The following PRPF8 variants were observed in gnomAD, a reference collection of about 807,000 sequenced individuals.
The protein encoded by PRPF8 is pre-mRNA processing factor 8, also known as pre-mRNA-processing-splicing factor 8.
PRPF8 carries 64 observed loss-of-function variants against 285.9 expected under a neutral mutation model. The ratio of observed to expected loss-of-function variants is 0.22; its 90% CI spans 0.18 to 0.28. PRPF8 has a LOEUF of 0.28. Among genes scored for constraint, PRPF8 ranks in the 10% least tolerant of loss-of-function variants. PRPF8 has a pLI of 1.00. For synonymous variants in PRPF8, 1,325 were observed against 1,118.2 expected, an observed-to-expected ratio of 1.18 and a Z score of -3.69; for missense variants, 1,426 against 3,026.7, an observed-to-expected ratio of 0.47 and a Z score of 12.41.
At position 1,681,558 on chromosome 17, in the gene PRPF8, G is replaced by A. The variant is rs377322941; in HGVS notation, c.786C>T (p.Ala262=). ...DNYFYLFDLK[A]FFTSKALNMA... ...TATTGAGTGCCTTGGACGTAAAGAA[G>A]GCCTTCAAATCAAACAGGTAGAAGT... Residue 262 remains alanine, a synonymous_variant, in exon 6 of 43, where the codon GCC becomes GCT. Transcript: ENST00000304992. The A allele has an allele frequency of 8.7e-6, 14 of 1,613,746 alleles. No individual in the cohort carries two copies. The African/African-American group carries it at 1.7e-4, about 20-fold the overall frequency.
At chr17:1,677,838 A>C in intron 13 of PRPF8, 144 bp from the exon 14 acceptor site, 1 of 1,077,436 alleles carries the variant, frequency 9.3e-7, no homozygotes, top group Non-Finnish European at 1.3e-6. Context: ...AAGAAAAAAA[A>C]ACTCTGGGAC....
intron 24 of PRPF8, among the ~76,000 whole-genome samples, chr17:1,667,727 A>T (rs1912075702): frequency 6.6e-6 from 1 of 152,038 alleles, no homozygotes; most frequent in Non-Finnish European, 1.5e-5. Flanking sequence ...TATTTTTAGT[A>T]GAGATGGGGT....
Position 1,656,464 on chromosome 17 carries a change from A to C in PRPF8, c.5721T>G (p.Leu1907=), listed in dbSNP as rs1911395010. Residue 1907 remains leucine (L), a synonymous_variant, in exon 36 of 43, where the codon CTT becomes CTG. Transcript: ENST00000304992. ...GAACCATCTGGGGCTCAGTGGCTTT[A>C]AGGATGAGATCCCCGAATTTTTCCA... The part of the protein sequence containing the change: ...LKVEKFGDLI[L]KATEPQMVLF... 1 of 1,614,082 alleles carries C rather than the reference A, an allele frequency of 6.2e-7. No individual in the cohort carries two copies. Among genetic ancestry groups the C allele is most frequent in the Non-Finnish European group, 8.5e-7 (1 of 1,180,046 alleles).
intron 24 of PRPF8, among the ~76,000 whole-genome samples, chr17:1,662,634 G>A (rs1031067427): frequency 4.2e-4 from 64 of 151,320 alleles, no homozygotes; most frequent in African/African-American, 1.4e-3. Flanking sequence ...AGGTGTGGTG[G>A]CTCACGCCTG....
At chr17:1,677,405 G>T in intron 14 of PRPF8, 160 bp downstream of exon 14, 1 of 1,160,682 alleles carries the variant, frequency 8.6e-7, no homozygotes, top group Non-Finnish European at 1.3e-6. Context: ...CCAGAAGGAA[G>T]CCCAAGAAAT....
chr17:1,650,786 G>C lies in PRPF8; in HGVS notation c.*16C>G, dbSNP rs1910989862. On this transcript the variant is annotated 3_prime_UTR_variant, in exon 43 of 43. Coordinates refer to ENST00000304992, the MANE Select transcript of PRPF8 (RefSeq NM_006445.4). ...GCTTCGGCCTCGGGAGGCTGAAGCA[G>C]GAGGCAGGGAAACGGTCAGGCATAC... The C allele has an allele frequency of 6.2e-7, 1 of 1,613,538 alleles. No homozygotes were observed. The highest frequency in any genetic ancestry group is 1.3e-5 in the African/African-American group (1 of 74,916).
rs1388962169 is a variant in PRPF8, at chr17:1,661,824, A to C, written c.4023-34T>G. On this transcript the variant is annotated intron_variant, in intron 25 of 42. Transcript: ENST00000304992. This position sits in a 1 kb window ranked among gnomAD's most constrained non-coding sequence, Gnocchi z 7.3. ...GTGTACAACCAAGATTACAGAAAAA[A>C]TAAAGCCTAAAACTAAAGAAATACC... 2 of 1,614,156 alleles carry C rather than the reference A, an allele frequency of 1.2e-6. No individual in the cohort carries two copies. Among genetic ancestry groups the C allele is most frequent in the East Asian group, 2.2e-5 (1 of 44,888 alleles).
chr17:1,664,311 G>A (rs1272929355), intron 24 of PRPF8, among the ~76,000 whole-genome samples: 3 of 152,148 alleles, frequency 2.0e-5, no homozygotes, highest in Non-Finnish European at 4.4e-5. Flanking sequence ...GGGATTACTA[G>A]AGATTTCTAA....
At chr17:1,668,815 CAG>C (rs1912144652) in intron 24 of PRPF8, among the ~76,000 whole-genome samples, 1 of 152,130 alleles carries the variant, frequency 6.6e-6, no homozygotes, top group African/African-American at 2.4e-5. Flanking sequence ...AACAAATGCT[CAG>C]AGTTGTCTTC....
chr17:1,673,675 G>A lies in PRPF8; in HGVS notation c.3446+71C>T, dbSNP rs1912449327. Reference sequence around the variant, plus strand: ...CCACGCCTCTCCCACCCAGGACGCAGCCTCAGGTATGCCCTCTCTGGGCCC... The same window carrying A: ...CCACGCCTCTCCCACCCAGGACGCAACCTCAGGTATGCCCTCTCTGGGCCC... On this transcript the variant is annotated intron_variant, in intron 22 of 42. Coordinates refer to ENST00000304992, the MANE Select transcript of PRPF8 (RefSeq NM_006445.4). This position sits in a 1 kb window ranked among gnomAD's most constrained non-coding sequence, Gnocchi z 5.5. 1.2e-6 allele frequency: 2 copies of A among 1,612,124 alleles called. No individual in the cohort carries two copies. Among genetic ancestry groups the A allele is most frequent in the African/African-American group, 2.7e-5 (2 of 74,990 alleles).
At chr17:1,670,144 C>T (rs1020018599) in intron 24 of PRPF8, among the ~76,000 whole-genome samples, 4 of 152,186 alleles carry the variant, frequency 2.6e-5, no homozygotes, top group African/African-American at 9.7e-5. Context: ...GGAATCTACA[C>T]ATGTGTATAT....
Position 1,679,438 on chromosome 17 carries a change from G to A in PRPF8, c.1290-28C>T, listed in dbSNP as rs757749635. On this transcript the variant is annotated intron_variant, in intron 9 of 42. Coordinates refer to ENST00000304992, the MANE Select transcript of PRPF8 (RefSeq NM_006445.4). The surrounding 1 kb of genome is among the most constrained non-coding windows in gnomAD (Gnocchi z 4.7). ...GGAAAAATAAGCCCACCAGAGTTTG[G>A]CCATCTCTTCTTCCAGACACTCTGC... 3.7e-6 allele frequency: 6 copies of A among 1,611,922 alleles called. No individual in the cohort carries two copies. The South Asian group carries it at 5.5e-5, about 15-fold the overall frequency.
intron 29 of PRPF8, 45 bp downstream of exon 29, chr17:1,660,652 CA>C (rs1256677557): frequency 1.7e-5 from 27 of 1,614,060 alleles, no homozygotes; most frequent in Non-Finnish European, 2.3e-5. Flanking sequence ...AGGCAAGAAG[CA>C]GCAACTGTCT....
In PRPF8 at chr17:1,650,800, G is replaced by A. The variant is rs147941247; in HGVS notation, c.*2C>T. On this transcript the variant is annotated 3_prime_UTR_variant, in exon 43 of 43. Coordinates refer to ENST00000304992, the MANE Select transcript of PRPF8 (RefSeq NM_006445.4). ...AGGCTGAAGCAGGAGGCAGGGAAAC[G>A]GTCAGGCATACAGGTCCTCCCGATC... 3.9e-4 allele frequency: 635 copies of A among 1,613,864 alleles called. No homozygotes were observed. The highest frequency in any genetic ancestry group is 2.8e-3 in the African/African-American group (209 of 75,028).
chr17:1,672,803 T>G (rs1395835587), intron 24 of PRPF8: 1 of 549,234 alleles, frequency 1.8e-6, no homozygotes, highest in African/African-American at 1.9e-5. Flanking sequence ...AATAATGCTT[T>G]TCTGTTCAAA....
chr17:1,657,446 C>T (rs1307272457), intron 34 of PRPF8, among the ~76,000 whole-genome samples: 1 of 151,978 alleles, frequency 6.6e-6, no homozygotes, highest in East Asian at 1.9e-4. Flanking sequence ...GAGATTGAGA[C>T]CATCCTGGCC....
At chr17:1,681,746 CCTA>C in intron 5 of PRPF8, 56 bp from the exon 6 acceptor site, 4 of 1,609,512 alleles carry the variant, frequency 2.5e-6, no homozygotes. Flanking sequence ...ACCCATACCA[CCTA>C]CTGATCTCCC....
chr17:1,663,126 G>A (rs140711697), intron 24 of PRPF8, among the ~76,000 whole-genome samples: 6 of 152,182 alleles, frequency 3.9e-5, no homozygotes, highest in African/African-American at 1.2e-4. Context: ...GAAGTGATCC[G>A]TAGTAGACTA....
intron 13 of PRPF8, 92 bp from the exon 14 acceptor site, chr17:1,677,786 T>C (rs1252170812): frequency 9.8e-6 from 15 of 1,523,298 alleles, no homozygotes; most frequent in Admixed American, 1.7e-5. Flanking sequence ...ATATGTATAA[T>C]ATACATACAG....
Sources: allele counts gnomAD v4.1 joint callset (sites outside exome capture counted in the v4.1 genomes callset), GRCh38; gene constraint gnomAD v4.1.1; non-coding constraint Gnocchi (gnomAD v3.1); transcripts MANE v1.5; gene names NCBI Gene and HGNC (gene_info 2026-07-23, HGNC 2026-07-21).